The following TFCP2L1 variants were observed in gnomAD, a reference collection of about 807,000 sequenced individuals.
The protein encoded by TFCP2L1 is transcription factor CP2-like protein 1.
In TFCP2L1, 12 loss-of-function variants were observed where a neutral mutation model predicts 72.2. The observed-to-expected ratio is 0.17, with a 90% CI of 0.11 to 0.27. The LOEUF (loss-of-function observed/expected upper bound fraction) is 0.27, where lower values mean the gene tolerates loss of function less well. Ranked by LOEUF, TFCP2L1 falls within the 10% of genes least tolerant of loss-of-function variation. The pLI is 1.00. For synonymous variants in TFCP2L1, 260 were observed against 251.0 expected, an observed-to-expected ratio of 1.04 and a Z score of -0.34; for missense variants, 488 against 624.6, an observed-to-expected ratio of 0.78 and a Z score of 2.33.
At position 121,228,456 on chromosome 2, in the gene TFCP2L1, TAAAAA is replaced by T. The variant is rs35366541; in HGVS notation, c.1342-2848_1342-2844del. 3.7e-4 allele frequency among the ~76,000 whole-genome samples: 54 copies of T among 144,928 alleles called. 3 individuals are homozygous for T. In the South Asian group the frequency reaches 0.011, roughly 30 times the overall value. On this transcript the variant is annotated intron_variant, in intron 13 of 14. Transcript: ENST00000263707. The stretch of plus-strand genomic sequence containing the variant: ...TTTTCCTCCTCCGTAAAATAGGAGT[TAAAAA>T]AAAAAAAAAATAGCTAGGCCGAGCA...
At chr2:121,235,154 G>T (rs1216994814) in intron 11 of TFCP2L1, 67 bp downstream of exon 11, 3 of 1,555,918 alleles carry the variant, frequency 1.9e-6, no homozygotes, top group Non-Finnish European at 2.7e-6. Context: ...GGCTGAGGTA[G>T]GGGTTTCCCA....
chr2:121,247,820 C>T (rs1686519938), intron 5 of TFCP2L1, among the ~76,000 whole-genome samples: 1 of 152,150 alleles, frequency 6.6e-6, no homozygotes, highest in African/African-American at 2.4e-5. Context: ...CACACCAGTG[C>T]TTGATAACAA....
rs551599858 is a variant in TFCP2L1, at chr2:121,220,278, C to T, written c.*4063G>A. 2 of 152,334 alleles carry T rather than the reference C, an allele frequency of 1.3e-5. No homozygotes were observed. Among genetic ancestry groups the T allele is most frequent in the South Asian group, 2.1e-4 (1 of 4,830 alleles). 9.4% of individuals were successfully genotyped at this position (152,334 alleles called of 1,614,324 possible). A position where few individuals can be genotyped will look rare whatever the true frequency, so the allele number is the denominator to read the frequency against. On this transcript the variant is annotated 3_prime_UTR_variant, in exon 15 of 15. Coordinates refer to ENST00000263707, the MANE Select transcript of TFCP2L1 (RefSeq NM_014553.3). ...CTGTCTGGGCAAGAGGTCACTAGGGCAACACCTGACCTTTGTTTAGGACCC... is the reference window on the plus strand; with the variant it reads ...CTGTCTGGGCAAGAGGTCACTAGGGTAACACCTGACCTTTGTTTAGGACCC...
chr2:121,278,185 C>T (rs1223382615), intron 2 of TFCP2L1, among the ~76,000 whole-genome samples: 1 of 148,026 alleles, frequency 6.8e-6, no homozygotes, highest in African/African-American at 2.4e-5. Flanking sequence ...TACAGGCGCC[C>T]GCCACCGCGC....
chr2:121,272,215 A>G (rs1687061050), intron 2 of TFCP2L1, among the ~76,000 whole-genome samples: 1 of 152,192 alleles, frequency 6.6e-6, no homozygotes, highest in South Asian at 2.1e-4. Flanking sequence ...TCACCCTCTC[A>G]GCTGGTCATC....
intron 10 of TFCP2L1, 65 bp downstream of exon 10, chr2:121,237,558 G>T: frequency 6.4e-7 from 1 of 1,560,138 alleles, no homozygotes; most frequent in Non-Finnish European, 8.8e-7. Context: ...AGGCCTGGAA[G>T]GTGGCCAGCC....
intron 2 of TFCP2L1, among the ~76,000 whole-genome samples, chr2:121,280,195 GA>G (rs529683353): frequency 1.1e-3 from 162 of 141,156 alleles, no homozygotes; most frequent in Middle Eastern, 3.6e-3. Context: ...GAGGTTCAGA[GA>G]AAAAAAAAAA....
rs373485373 is a variant in TFCP2L1, at chr2:121,264,527, G to A, written c.215-14880C>T. On this transcript the variant is annotated intron_variant, in intron 2 of 14. Transcript: ENST00000263707. ...TCCCCTCCTGGGAGTGCAGAATCAG[G>A]AGGGGAATGAGAGCACCTGTCTCTC... 1.3e-4 allele frequency among the ~76,000 whole-genome samples: 20 copies of A among 152,304 alleles called. No individual in the cohort carries two copies. The East Asian group carries it at 3.9e-3, about 29-fold the overall frequency.
chr2:121,257,688 G>A (rs1046600853), intron 2 of TFCP2L1, among the ~76,000 whole-genome samples: 3 of 152,212 alleles, frequency 2.0e-5, no homozygotes, highest in Admixed American at 1.3e-4. Context: ...ACATAAGACC[G>A]CCCACACTAT....
intron 7 of TFCP2L1, chr2:121,239,959 A>C (rs1686332807): frequency 1.2e-6 from 1 of 814,640 alleles, no homozygotes; most frequent in African/African-American, 1.9e-5. Context: ...GGTCCACGAG[A>C]GAGAAAAAAC....
chr2:121,225,743 C>A (rs537346026), intron 13 of TFCP2L1, 130 bp from the exon 14 acceptor site: 2 of 920,914 alleles, frequency 2.2e-6, no homozygotes, highest in African/African-American at 3.3e-5. Flanking sequence ...TGCCCACACA[C>A]ACAGGAACGC....
At chr2:121,264,950 T>C (rs1686900639) in intron 2 of TFCP2L1, among the ~76,000 whole-genome samples, 1 of 152,156 alleles carries the variant, frequency 6.6e-6, no homozygotes, top group African/African-American at 2.4e-5. Flanking sequence ...GAGTCACCAT[T>C]TGACCCAGCA....
intron 2 of TFCP2L1, 67 bp downstream of exon 2, chr2:121,281,053 T>C: frequency 6.2e-7 from 1 of 1,604,976 alleles, no homozygotes; most frequent in Non-Finnish European, 8.5e-7. Context: ...AAGGCCCAAA[T>C]GGGCCTTTCG....
In TFCP2L1 at chr2:121,238,599, CG is replaced by C. The variant is rs559937659; in HGVS notation, c.861-750del. The stretch of plus-strand genomic sequence containing the variant: ...ACCCTCGCAGGGCTGATCCCCAGAC[CG>C]GTCATCAGTGAAGACAGCCGCCACT... On this transcript the variant is annotated intron_variant, in intron 8 of 14. Coordinates refer to ENST00000263707, the MANE Select transcript of TFCP2L1 (RefSeq NM_014553.3). Among the ~76,000 whole-genome samples the C allele has an allele frequency of 1.1e-4, 16 of 152,222 alleles. No individual in the cohort carries two copies. In the East Asian group the frequency reaches 2.9e-3, roughly 28 times the overall value.
intron 13 of TFCP2L1, among the ~76,000 whole-genome samples, chr2:121,227,283 G>A (rs1294783698): frequency 1.3e-5 from 2 of 152,138 alleles, no homozygotes; most frequent in African/African-American, 4.8e-5. Context: ...CCTGAGTGCA[G>A]GTACATGGGT....
chr2:121,227,681 CAAATAAAATA>C (rs569152525), intron 13 of TFCP2L1, among the ~76,000 whole-genome samples: 26 of 146,776 alleles, frequency 1.8e-4, no homozygotes, highest in East Asian at 4.0e-4. Flanking sequence ...ACTCTGTCTC[CAAATAAAATA>C]AAATAAAATA....
intron 2 of TFCP2L1, among the ~76,000 whole-genome samples, chr2:121,268,893 G>A (rs990683993): frequency 6.6e-6 from 1 of 151,086 alleles, no homozygotes; most frequent in Non-Finnish European, 1.5e-5. Context: ...ACTATATCAA[G>A]TTTCTACATT....
Position 121,224,175 on chromosome 2 carries a change from TC to T in TFCP2L1, c.*165del. ...GGCTTTCTGTACACCGTACTTGGTG[TC>T]CACAGGCTTCTGCTGGTTGGTGCTC... is the stretch of plus-strand genomic sequence containing the variant. On this transcript the variant is annotated 3_prime_UTR_variant, in exon 15 of 15. Transcript: ENST00000263707. The T allele has an allele frequency of 1.5e-6, 1 of 681,812 alleles. No individual in the cohort carries two copies. The highest frequency in any genetic ancestry group is 1.9e-5 in the South Asian group (1 of 53,260). The allele number at this position is 681,812 out of a possible 1,614,324, so 42.2% of individuals were successfully genotyped here. A position where few individuals can be genotyped will look rare whatever the true frequency, so the allele number is the denominator to read the frequency against.
At chr2:121,229,633 G>C (rs1342238889) in intron 13 of TFCP2L1, among the ~76,000 whole-genome samples, 1 of 152,122 alleles carries the variant, frequency 6.6e-6, no homozygotes, top group Admixed American at 6.6e-5. Flanking sequence ...CAAATAACAA[G>C]TGCCCTGCAG....
Sources: allele counts gnomAD v4.1 joint callset (sites outside exome capture counted in the v4.1 genomes callset), GRCh38; gene constraint gnomAD v4.1.1; transcripts MANE v1.5; gene names NCBI Gene and HGNC (gene_info 2026-07-23, HGNC 2026-07-21).